The following NDUFS7 variants were observed in gnomAD, a reference collection of about 807,000 sequenced individuals.
NDUFS7 encodes the protein NADH:ubiquinone oxidoreductase core subunit S7.
NDUFS7 carries 11 observed loss-of-function variants against 31.1 expected under a neutral mutation model. The ratio of observed to expected loss-of-function variants is 0.35; its 90% CI spans 0.22 to 0.59. The LOEUF (loss-of-function observed/expected upper bound fraction) is 0.59. NDUFS7 is among the 20% of genes least tolerant of loss of function. NDUFS7 has a pLI of 0.79. For synonymous variants in NDUFS7, 136 were observed against 127.9 expected, an observed-to-expected ratio of 1.06 and a Z score of -0.43; for missense variants, 263 against 324.2, an observed-to-expected ratio of 0.81 and a Z score of 1.45.
intron 4 of NDUFS7, 160 bp from the exon 5 acceptor site, chr19:1,390,711 T>C: frequency 1.4e-6 from 1 of 712,532 alleles, no homozygotes; most frequent in South Asian, 1.7e-5. Flanking sequence ...TTACAACTCT[T>C]GGGGCCCGGA....
chr19:1,393,568 GAC>G lies in NDUFS7; in HGVS notation c.544+243_544+244del, dbSNP rs879328608. 7.8e-5 allele frequency: 50 copies of G among 645,110 alleles called. No individual in the cohort carries two copies. The Admixed American group carries it at 1.1e-3, about 14-fold the overall frequency. The allele number at this position is 645,110 out of a possible 1,614,324, so 40.0% of individuals were successfully genotyped here. ...GCAGGGGAAGCTGAGTGGAATTCCT[GAC>G]ACACGCCTGGTTTACAGCAGTTTCA... is the stretch of plus-strand genomic sequence containing the variant. On this transcript the variant is annotated intron_variant, in intron 7 of 7. Transcript: ENST00000233627. The surrounding 1 kb of genome is among the most constrained non-coding windows in gnomAD (Gnocchi z 7.3).
At chr19:1,394,519 C>T (rs2082580014) in intron 7 of NDUFS7, 1 of 1,264,328 alleles carries the variant, frequency 7.9e-7, no homozygotes, top group South Asian at 1.3e-5. Context: ...CGTGCTCCTC[C>T]CTCCCTCCCT....
intron 4 of NDUFS7, 56 bp from the exon 5 acceptor site, chr19:1,390,815 C>G (rs929992267): frequency 6.3e-7 from 1 of 1,575,988 alleles, no homozygotes; most frequent in African/African-American, 1.3e-5. Flanking sequence ...TGGAGTCTCA[C>G]GCTGGGCCAC....
At chr19:1,387,774 G>T in intron 1 of NDUFS7, 37 bp from the exon 2 acceptor site, 1 of 1,607,334 alleles carries the variant, frequency 6.2e-7, no homozygotes, top group Non-Finnish European at 8.5e-7. Flanking sequence ...CGTGCTGCCC[G>T]CAGCTCACTG....
intron 6 of NDUFS7, chr19:1,391,754 A>C (rs1267267519): frequency 1.3e-5 from 2 of 157,806 alleles, no homozygotes; most frequent in Non-Finnish European, 2.8e-5. Context: ...AAGTGCTGGG[A>C]TTATAGGCAT....
At chr19:1,388,000 G>A (rs1027688271) in intron 2 of NDUFS7, 153 bp downstream of exon 2, 18 of 768,794 alleles carry the variant, frequency 2.3e-5, no homozygotes, top group South Asian at 9.3e-5. Context: ...CACGCTGCCC[G>A]TGATGTGCCG....
rs556389874 is a variant in NDUFS7, at chr19:1,394,292, G to A, written c.544+962G>A. The A allele has an allele frequency of 8.4e-6, 10 of 1,195,354 alleles. No homozygotes were observed. In the South Asian group the frequency reaches 1.1e-4, roughly 14 times the overall value. 74.0% of individuals were successfully genotyped at this position (1,195,354 alleles called of 1,614,324 possible). ...GAGAGGGCAGCCTGGGCCTCCCTGT[G>A]ACTTGACAGCACAGAGAGGTCCATC... On this transcript the variant is annotated intron_variant, in intron 7 of 7. Transcript: ENST00000233627.
chr19:1,390,912 C>T lies in NDUFS7; in HGVS notation c.270C>T (p.Ala90=), dbSNP rs375120743. The T allele has an allele frequency of 2.5e-4, 406 of 1,611,000 alleles. No homozygotes were observed. The highest frequency in any genetic ancestry group is 3.2e-4 in the Non-Finnish European group (383 of 1,179,652). ...TGACCTTCGGCCTGGCCTGCTGCGC[C>T]GTGGAGATGATGCACATGGCAGCAC... ...WPMTFGLACC[A]VEMMHMAAPR... is the part of the protein sequence containing the mutation. The change falls in exon 5 of 8, where the codon GCC becomes GCT. Residue 90 remains alanine, a synonymous_variant. Coordinates refer to ENST00000233627, the MANE Select transcript of NDUFS7 (RefSeq NM_024407.5).
intron 1 of NDUFS7, among the ~76,000 whole-genome samples, chr19:1,384,741 A>G (rs938910093): frequency 1.3e-5 from 2 of 152,210 alleles, no homozygotes; most frequent in Non-Finnish European, 2.9e-5. Context: ...GCTAGGAAAC[A>G]TCTGTGATTC....
At chr19:1,384,086 C>A in intron 1 of NDUFS7, 144 bp downstream of exon 1, 1 of 908,196 alleles carries the variant, frequency 1.1e-6, no homozygotes, top group Non-Finnish European at 1.6e-6. Context: ...GCTCCTCGGG[C>A]TCCCCGCCCG....
chr19:1,384,039 G>T, intron 1 of NDUFS7, 97 bp downstream of exon 1: 2 of 1,348,362 alleles, frequency 1.5e-6, no homozygotes, highest in South Asian at 1.5e-5. Context: ...TGCCGGCGTC[G>T]TGGCCGCGGT....
intron 7 of NDUFS7, chr19:1,394,540 C>G (rs898686640): frequency 8.0e-7 from 1 of 1,250,942 alleles, no homozygotes; most frequent in African/African-American, 1.9e-5. Flanking sequence ...GCGGACCGCG[C>G]TCCTCCCTCC....
At chr19:1,390,745 C>A (rs2082549162) in intron 4 of NDUFS7, 126 bp from the exon 5 acceptor site, 6 of 1,087,132 alleles carry the variant, frequency 5.5e-6, no homozygotes, top group South Asian at 1.4e-5. Flanking sequence ...AGCCGCTGTG[C>A]CTCTCACCTC....
chr19:1,389,371 G>A (rs371720329), intron 4 of NDUFS7: 130 of 466,528 alleles, frequency 2.8e-4, no homozygotes, highest in Non-Finnish European at 4.5e-4. Context: ...ATGCATGTGT[G>A]CCTGTTGGCA....
chr19:1,387,228 C>T (rs949386669), intron 1 of NDUFS7: 4 of 166,130 alleles, frequency 2.4e-5, no homozygotes, highest in African/African-American at 9.6e-5. Flanking sequence ...GCCTGGAGCA[C>T]CCAGCACACG....
At chr19:1,383,970 G>A in intron 1 of NDUFS7, 28 bp downstream of exon 1, 1 of 1,556,660 alleles carries the variant, frequency 6.4e-7, no homozygotes, top group Admixed American at 1.9e-5. Flanking sequence ...GGCGGGTGTG[G>A]GGCCGCGCGG....
intron 4 of NDUFS7, 46 bp from the exon 5 acceptor site, chr19:1,390,825 C>G (rs370741253): frequency 5.0e-6 from 8 of 1,591,504 alleles, no homozygotes; most frequent in Non-Finnish European, 6.0e-6. Context: ...CGCTGGGCCA[C>G]GCGGGGCTCC....
chr19:1,393,271 A>G lies in NDUFS7; in HGVS notation c.485A>G (p.Tyr162Cys), dbSNP rs1370891364. 2 of 1,585,574 alleles carry G rather than the reference A, an allele frequency of 1.3e-6. No individual in the cohort carries two copies. Among genetic ancestry groups the G allele is most frequent in the Admixed American group, 1.8e-5 (1 of 56,012 alleles). ...SCANGGGYYHYSYSVVRGCDR... is the reference protein window; with the variant it reads ...SCANGGGYYHCSYSVVRGCDR... ...GCCAACGGAGGAGGCTACTACCACT[A>G]TTCCTACTCGGTGGTGAGGGGCTGC... The change falls in exon 7 of 8, where the codon TAT (tyrosine) becomes TGT (cysteine). Residue 162 changes from tyrosine (Y) to cysteine (C), a missense_variant. Tyr to Cys is a radical substitution (Grantham distance 194, BLOSUM62 -2). Coordinates refer to ENST00000233627, the MANE Select transcript of NDUFS7 (RefSeq NM_024407.5). This position sits in a 1 kb window ranked among gnomAD's most constrained non-coding sequence, Gnocchi z 7.3.
rs777293766 is a variant in NDUFS7 at position 1,395,518 on chromosome 19, G to A, written c.*30G>A. The stretch of plus-strand genomic sequence containing the variant: ...GCCGCCGCCGCCGCCGGAGCCTGTC[G>A]CCGTCCTGTCCCCAGCCTGCTTGTG... On this transcript the variant is annotated 3_prime_UTR_variant, in exon 8 of 8. Coordinates refer to ENST00000233627, the MANE Select transcript of NDUFS7 (RefSeq NM_024407.5). 3.5e-5 allele frequency: 54 copies of A among 1,555,484 alleles called. No homozygotes were observed. The Middle Eastern group carries it at 5.0e-4, about 14-fold the overall frequency.
Sources: allele counts gnomAD v4.1 joint callset (sites outside exome capture counted in the v4.1 genomes callset), GRCh38; gene constraint gnomAD v4.1.1; non-coding constraint Gnocchi (gnomAD v3.1); transcripts MANE v1.5; gene names NCBI Gene and HGNC (gene_info 2026-07-23, HGNC 2026-07-21).